The following LINGO2 variants were observed in gnomAD, a reference collection of about 807,000 sequenced individuals.
The protein encoded by LINGO2 is leucine rich repeat and Ig domain containing 2.
Under a neutral mutation model 30.6 loss-of-function variants are expected in LINGO2, and 14 were observed. The observed-to-expected ratio is 0.46, with a 90% confidence interval of 0.30 to 0.72. The LOEUF (loss-of-function observed/expected upper bound fraction) is 0.72, where lower values mean the gene tolerates loss of function less well. Among genes scored for constraint, LINGO2 ranks in the 30% least tolerant of loss-of-function variants. The probability of loss-of-function intolerance (pLI) is 0.07; values close to 1 mark genes in which losing one functional copy is unlikely to be tolerated. For synonymous variants in LINGO2, 317 were observed against 288.5 expected (o/e 1.10, Z -1.00); for missense variants, 729 against 751.7 (o/e 0.97, Z 0.35).
chr9:28,971,309 GCATAGACCA>G, the LINGO2 span, among the ~76,000 whole-genome samples: 1 of 152,174 alleles, frequency 6.6e-6, no homozygotes, highest in Non-Finnish European at 1.5e-5. Context: ...GGCCTCAGTG[GCATAGACCA>G]CTAAGCAAGC....
At chr9:29,041,356 A>T in the LINGO2 span, among the ~76,000 whole-genome samples, 1 of 152,026 alleles carries the variant, frequency 6.6e-6, no homozygotes, top group Admixed American at 6.6e-5. Flanking sequence ...GGAAAGGCAC[A>T]AGCTAGCCAG....
chr9:29,164,348 A>T, the LINGO2 span, among the ~76,000 whole-genome samples: 2 of 152,176 alleles, frequency 1.3e-5, no homozygotes, highest in Non-Finnish European at 2.9e-5. Flanking sequence ...GCCGTAGTAG[A>T]TAACATACAA....
At chr9:28,794,772 G>A in the LINGO2 span, among the ~76,000 whole-genome samples, 1 of 151,930 alleles carries the variant, frequency 6.6e-6, no homozygotes, top group South Asian at 2.1e-4. Flanking sequence ...TGATAGTTAA[G>A]GCAAGGGGTT....
At chr9:28,532,848 A>G (rs1410204254) in intron 1 of LINGO2, among the ~76,000 whole-genome samples, 2 of 151,964 alleles carry the variant, frequency 1.3e-5, no homozygotes, top group Non-Finnish European at 2.9e-5. Context: ...CTTTTCTATT[A>G]TACATTTCTA....
chr9:28,704,194 G>A, the LINGO2 span, among the ~76,000 whole-genome samples: 3 of 100,334 alleles, frequency 3.0e-5, no homozygotes, highest in African/African-American at 4.6e-5. Flanking sequence ...CTTTTGAAGG[G>A]TGAATTCTAG....
chr9:28,655,063 AT>A (rs985673513), intron 1 of LINGO2, among the ~76,000 whole-genome samples: 22 of 152,154 alleles, frequency 1.4e-4, no homozygotes, highest in Admixed American at 1.2e-3. Flanking sequence ...GGTGAGTGAT[AT>A]TGTTTGGCTG....
the LINGO2 span, among the ~76,000 whole-genome samples, chr9:29,070,589 C>T: frequency 6.6e-6 from 1 of 151,934 alleles, no homozygotes; most frequent in Non-Finnish European, 1.5e-5. Context: ...GCTACAGACC[C>T]CCAGGTGGAA....
chr9:28,374,991 G>C (rs911921749), intron 2 of LINGO2, among the ~76,000 whole-genome samples: 2 of 151,960 alleles, frequency 1.3e-5, no homozygotes, highest in Admixed American at 6.6e-5. Context: ...TACAGCTTAA[G>C]AACTCCCAGG....
At chr9:28,519,655 T>C (rs936498257) in intron 1 of LINGO2, among the ~76,000 whole-genome samples, 2 of 152,152 alleles carry the variant, frequency 1.3e-5, no homozygotes, top group South Asian at 4.1e-4. Context: ...AGATAAGAAA[T>C]GTTACCTGCA....
At chr9:28,895,504 T>C in the LINGO2 span, among the ~76,000 whole-genome samples, 1 of 152,192 alleles carries the variant, frequency 6.6e-6, no homozygotes, top group Non-Finnish European at 1.5e-5. Flanking sequence ...TTAATCTTTA[T>C]AGCCAAGGAT....
the LINGO2 span, among the ~76,000 whole-genome samples, chr9:28,860,967 CATT>C: frequency 1.5e-5 from 2 of 129,968 alleles, no homozygotes; most frequent in Non-Finnish European, 3.1e-5. Flanking sequence ...TATTATATAT[CATT>C]AATATATAAA....
chr9:29,195,478 A>AT, the LINGO2 span, among the ~76,000 whole-genome samples: 5 of 151,656 alleles, frequency 3.3e-5, no homozygotes, highest in African/African-American at 1.2e-4. Context: ...TTATTTTCCA[A>AT]TTTTTTTCAA....
chr9:29,109,405 G>T, the LINGO2 span, among the ~76,000 whole-genome samples: 1 of 148,896 alleles, frequency 6.7e-6, no homozygotes, highest in South Asian at 2.1e-4. Flanking sequence ...TAAATGCAAT[G>T]TATACTTATA....
chr9:28,145,718 A>C (rs2133519994), intron 4 of LINGO2, among the ~76,000 whole-genome samples: 1 of 152,122 alleles, frequency 6.6e-6, no homozygotes, highest in South Asian at 2.1e-4. Context: ...ATTTGAACCA[A>C]GAGTCATTAA....
At chr9:27,999,341 T>C (rs995071687) in intron 5 of LINGO2, among the ~76,000 whole-genome samples, 3 of 151,888 alleles carry the variant, frequency 2.0e-5, no homozygotes, top group Non-Finnish European at 4.4e-5. Flanking sequence ...GAGAAAGATA[T>C]GATGTTTTGT....
chr9:28,045,594 G>A (rs1824383820), intron 4 of LINGO2, among the ~76,000 whole-genome samples: 1 of 152,156 alleles, frequency 6.6e-6, no homozygotes, highest in African/African-American at 2.4e-5. Context: ...GTTTGTGTTT[G>A]ATTATGGGAG....
chr9:28,164,089 AAAAT>A (rs1447574625), intron 4 of LINGO2, among the ~76,000 whole-genome samples: 11 of 152,202 alleles, frequency 7.2e-5, no homozygotes, highest in African/African-American at 2.7e-4. Context: ...ACATGTAATG[AAAAT>A]AAATTAATAA....
At chr9:28,941,682 AC>A in the LINGO2 span, among the ~76,000 whole-genome samples, 32 of 152,088 alleles carry the variant, frequency 2.1e-4, no homozygotes, top group Admixed American at 6.6e-5. Flanking sequence ...ACACTCCCAT[AC>A]CTTTTTAAAG....
chr9:28,388,810 C>G (rs1237008735), intron 2 of LINGO2, among the ~76,000 whole-genome samples: 1 of 152,118 alleles, frequency 6.6e-6, no homozygotes, highest in East Asian at 1.9e-4. Flanking sequence ...ATATAATTTG[C>G]ATTTTCTCCT....
Sources: gnomAD v4.1 joint callset for allele counts (sites outside exome capture counted in the v4.1 genomes callset) on GRCh38, gnomAD v4.1.1 for gene constraint, MANE v1.5 for transcripts, NCBI Gene and HGNC (gene_info 2026-07-23, HGNC 2026-07-21) for gene names.